The following CWC22 variants were observed in gnomAD, a reference collection of about 807,000 sequenced individuals.
CWC22 encodes the protein pre-mRNA-splicing factor CWC22 homolog.
In CWC22, 53 loss-of-function variants were observed where a neutral mutation model predicts 117.2. That is an observed-to-expected ratio of 0.45 (90% CI 0.36 to 0.57). The LOEUF is 0.57. Ranked by LOEUF, CWC22 falls within the 20% of genes least tolerant of loss-of-function variation. CWC22 has a pLI of 0.00. For missense variants in CWC22, 980 were observed against 1,068.8 expected, an observed-to-expected ratio of 0.92 and a Z score of 1.16; for synonymous variants, 360 against 355.6, an observed-to-expected ratio of 1.01 and a Z score of -0.14.
In CWC22 at chr2:179,952,558, G is replaced by A; in HGVS notation, c.1730C>T (p.Ser577Leu). 13 of 1,521,376 alleles carry A rather than the reference G, an allele frequency of 8.5e-6. No homozygotes were observed. The highest frequency in any genetic ancestry group is 1.4e-5 in the African/African-American group (1 of 72,422). The allele number at this position is 1,521,376 out of a possible 1,614,324, so 94.2% of individuals were successfully genotyped here. The change falls in exon 17 of 20, where the codon TCA (serine) becomes TTA (leucine). Residue 577 changes from serine to leucine, a missense_variant. Physicochemically the swap from Ser to Leu is moderately radical, Grantham distance 145. Transcript: ENST00000410053. ...TATTTTGACAAAAATTCTACTGGAT[G>A]ATGTAGTGGTTTCTTCACTCAGTTT... ...CIKLSEETTT[S>L]SSRIFVKIFF...
At chr2:179,999,528 CTG>C (rs1168952222) in intron 1 of CWC22, among the ~76,000 whole-genome samples, 3 of 152,102 alleles carry the variant, frequency 2.0e-5, no homozygotes, top group African/African-American at 7.2e-5. Context: ...AAGCAGAAAA[CTG>C]TGAATTCTGC....
chr2:179,993,621 C>A (rs1275682844), intron 1 of CWC22, among the ~76,000 whole-genome samples, 167 bp from the exon 2 acceptor site: 1 of 151,534 alleles, frequency 6.6e-6, no homozygotes, highest in Admixed American at 6.6e-5. Flanking sequence ...ATAATGTATA[C>A]CTAACACATA....
chr2:179,957,517 G>A (rs1686626266), intron 14 of CWC22, among the ~76,000 whole-genome samples: 1 of 152,162 alleles, frequency 6.6e-6, no homozygotes, highest in Non-Finnish European at 1.5e-5. Flanking sequence ...AATGAGTCTT[G>A]CTATATTCCA....
At position 179,986,722 on chromosome 2, in the gene CWC22, C is replaced by T. The variant is rs761676860; in HGVS notation, c.179G>A (p.Arg60His). 54 of 1,601,880 alleles carry T rather than the reference C, an allele frequency of 3.4e-5. No homozygotes were observed. The highest frequency in any genetic ancestry group is 6.7e-5 in the East Asian group (3 of 44,728). ...RSDYEHSRRGRSYDSSMESRN... is the reference protein window; with the variant it reads ...RSDYEHSRRGHSYDSSMESRN... ...TGACTCCATGCTACTATCATAAGAA[C>T]GTCCTCTTCTTGAATGCTCATAGTC... is the stretch of plus-strand genomic sequence containing the variant. The change falls in exon 4 of 20, where the codon CGT (arginine) becomes CAT (histidine). Residue 60 changes from arginine to histidine, a missense_variant. By Grantham distance (29) the Arg-to-His change is conservative (BLOSUM62 0). Transcript: ENST00000410053.
At chr2:179,959,121 T>C (rs559538072) in intron 13 of CWC22, 39 bp from the exon 14 acceptor site, 13 of 1,203,374 alleles carry the variant, frequency 1.1e-5, no homozygotes, top group African/African-American at 6.0e-5. Context: ...GCTTGCAACA[T>C]AGACTGTACA....
intron 11 of CWC22, among the ~76,000 whole-genome samples, chr2:179,968,364 A>C (rs534427850): frequency 6.6e-6 from 1 of 152,152 alleles, no homozygotes; most frequent in Non-Finnish European, 1.5e-5. Context: ...TTCTAACTAC[A>C]TATCTATCTG....
At chr2:179,979,246 G>T (rs1687227879) in intron 5 of CWC22, among the ~76,000 whole-genome samples, 1 of 149,204 alleles carries the variant, frequency 6.7e-6, no homozygotes, top group African/African-American at 2.5e-5. Context: ...AAGAACAAAA[G>T]TTTGATATAA....
intron 14 of CWC22, among the ~76,000 whole-genome samples, chr2:179,957,223 G>C (rs930559255): frequency 1.2e-4 from 19 of 152,170 alleles, no homozygotes; most frequent in African/African-American, 4.3e-4. Flanking sequence ...GGCATATCAA[G>C]CGTGGCCAGT....
chr2:179,986,551 TATA>T (rs1429516677), intron 4 of CWC22, 141 bp downstream of exon 4: 1 of 519,730 alleles, frequency 1.9e-6, no homozygotes, highest in African/African-American at 2.0e-5. Context: ...AGTTAATTCA[TATA>T]AAGCCCTTAT....
intron 1 of CWC22, among the ~76,000 whole-genome samples, chr2:179,996,333 T>C (rs369734749): frequency 8.5e-5 from 13 of 152,182 alleles, no homozygotes; most frequent in African/African-American, 2.9e-4. Flanking sequence ...AAAATATGCC[T>C]GGGAAATTTC....
chr2:179,952,379 T>C, intron 17 of CWC22, 92 bp downstream of exon 17: 1 of 865,334 alleles, frequency 1.2e-6, no homozygotes, highest in African/African-American at 1.7e-5. Context: ...GGCTTAGCTC[T>C]TGTTTTTACA....
chr2:179,966,705 G>A (rs749202465), intron 11 of CWC22, among the ~76,000 whole-genome samples: 2 of 152,086 alleles, frequency 1.3e-5, no homozygotes, highest in Non-Finnish European at 2.9e-5. Context: ...GCAAACAAAT[G>A]ACAAAAACTA....
In CWC22 at chr2:179,945,512, T is replaced by C; in HGVS notation, c.2344A>G (p.Thr782Ala). ...SSGSNWRDPI[T>A]KYTSDKDVPS... ...ACATCTTTGTCTGATGTGTACTTTGTTATAGGATCTCTCCAATTTGAACCA... is the reference window on the plus strand; with the variant it reads ...ACATCTTTGTCTGATGTGTACTTTGCTATAGGATCTCTCCAATTTGAACCA... The change falls in exon 20 of 20, where the codon ACA becomes GCA. Residue 782 changes from threonine (T) to alanine (A), a missense_variant. Physicochemically the swap from Thr to Ala is moderately conservative, Grantham distance 58. Around this residue, in one of 3 missense-constraint regions of CWC22, gnomAD observed 306 missense variants for 296.8 expected, o/e 1.03. Coordinates refer to ENST00000410053, the MANE Select transcript of CWC22 (RefSeq NM_020943.3). 6.2e-7 allele frequency: 1 copy of C among 1,613,202 alleles called. No individual in the cohort carries two copies. Among genetic ancestry groups the C allele is most frequent in the Non-Finnish European group, 8.5e-7 (1 of 1,179,380 alleles).
chr2:179,998,619 T>G (rs1436740573), intron 1 of CWC22, among the ~76,000 whole-genome samples: 1 of 152,158 alleles, frequency 6.6e-6, no homozygotes, highest in Non-Finnish European at 1.5e-5. Context: ...CAGACTCTAC[T>G]ATACAGAAAA....
intron 14 of CWC22, among the ~76,000 whole-genome samples, chr2:179,956,040 G>A (rs921409420): frequency 6.6e-6 from 1 of 151,784 alleles, no homozygotes; most frequent in Non-Finnish European, 1.5e-5. Flanking sequence ...ATAAAAACGT[G>A]TTGCTTTTTA....
chr2:179,962,641 AT>A (rs374619030), intron 13 of CWC22, among the ~76,000 whole-genome samples: 40 of 147,780 alleles, frequency 2.7e-4, no homozygotes, highest in African/African-American at 3.9e-4. Context: ...GATTGTCTCC[AT>A]TTTTTTTTTG....
chr2:179,980,126 C>T (rs1687250608), intron 5 of CWC22, among the ~76,000 whole-genome samples: 1 of 152,152 alleles, frequency 6.6e-6, no homozygotes, highest in African/African-American at 2.4e-5. Context: ...ATCAGGATTG[C>T]TTTGGACTGG....
At chr2:180,005,813 CAT>C (rs1687956534) in intron 1 of CWC22, among the ~76,000 whole-genome samples, 1 of 152,198 alleles carries the variant, frequency 6.6e-6, no homozygotes, top group Non-Finnish European at 1.5e-5. Context: ...TTACTACCTA[CAT>C]GTTTCCAGAT....
intron 5 of CWC22, 85 bp from the exon 6 acceptor site, chr2:179,978,403 T>C (rs1173986745): frequency 7.8e-6 from 10 of 1,286,740 alleles, no homozygotes. Flanking sequence ...ATAGTGCTCC[T>C]TAATTTTTGA....
Sources: allele counts gnomAD v4.1 joint callset (sites outside exome capture counted in the v4.1 genomes callset), GRCh38; gene constraint gnomAD v4.1.1; regional missense constraint gnomAD v4.1.1; transcripts MANE v1.5; gene names NCBI Gene and HGNC (gene_info 2026-07-23, HGNC 2026-07-21).